ALG6: variants seen among roughly 807,000 people sequenced by gnomAD.
The protein encoded by ALG6 is dolichyl pyrophosphate Man9GlcNAc2 alpha-1,3-glucosyltransferase.
ALG6 carries 46 observed loss-of-function variants against 66.6 expected under a neutral mutation model. The observed-to-expected ratio is 0.69, with a 90% CI of 0.55 to 0.88. The LOEUF is 0.88. ALG6 is among the 40% of genes least tolerant of loss of function. The pLI is 0.00. For missense variants in ALG6, 505 were observed against 586.8 expected, an observed-to-expected ratio of 0.86 and a Z score of 1.44; for synonymous variants, 185 against 203.7, an observed-to-expected ratio of 0.91 and a Z score of 0.78.
At position 63,374,585 on chromosome 1, in the gene ALG6, G is replaced by A. The variant is rs529050322; in HGVS notation, c.82+3526G>A. ...AGAGGTTGCAGTGAGCCGAGATCACGCCACTGCACCCCACCCTGGGTGACA... is the reference window on the plus strand; with the variant it reads ...AGAGGTTGCAGTGAGCCGAGATCACACCACTGCACCCCACCCTGGGTGACA... On this transcript the variant is annotated intron_variant, in intron 2 of 14. Transcript: ENST00000263440. Among the ~76,000 whole-genome samples, 303 of 151,460 alleles carry A rather than the reference G, an allele frequency of 2.0e-3. 1 individual carries two copies. Among genetic ancestry groups the A allele is most frequent in the African/African-American group, 7.0e-3 (287 of 41,244 alleles).
chr1:63,388,074 GC>G (rs1418745048), intron 2 of ALG6, among the ~76,000 whole-genome samples: 2 of 152,114 alleles, frequency 1.3e-5, no homozygotes, highest in Non-Finnish European at 2.9e-5. Context: ...ACGCCACCAT[GC>G]CCGGCTATTT....
chr1:63,381,630 A>G (rs983455729), intron 2 of ALG6, among the ~76,000 whole-genome samples: 2 of 150,514 alleles, frequency 1.3e-5, no homozygotes, highest in East Asian at 2.0e-4. Flanking sequence ...GGGTGACAGA[A>G]CAAGACCCTG....
At chr1:63,422,125 A>AT (rs1644578089) in intron 12 of ALG6, among the ~76,000 whole-genome samples, 1 of 74,504 alleles carries the variant, frequency 1.3e-5, no homozygotes, top group Non-Finnish European at 2.5e-5. Context: ...ATAAATATAT[A>AT]AATAAATATA....
In ALG6 at chr1:63,437,025, ATTCCTAAACAAATTGT is replaced by A. The variant is rs767675902; in HGVS notation, c.*19_*34del. On this transcript the variant is annotated 3_prime_UTR_variant, in exon 15 of 15. Transcript: ENST00000263440. ...AATCAGAAGAAAATCAGCTAGCTGT[ATTCCTAAACAAATTGT>A]TTCCTAAACAAATGTGAAAATGTGA... is the stretch of plus-strand genomic sequence containing the variant. 1.4e-5 allele frequency: 22 copies of A among 1,610,424 alleles called. No homozygotes were observed. Among genetic ancestry groups the A allele is most frequent in the Non-Finnish European group, 1.8e-5 (21 of 1,177,774 alleles).
chr1:63,372,731 C>G (rs986404369), intron 2 of ALG6, among the ~76,000 whole-genome samples: 4 of 152,118 alleles, frequency 2.6e-5, no homozygotes, highest in African/African-American at 9.7e-5. Flanking sequence ...GCAATCTTGG[C>G]TCACTGTAAT....
Position 63,438,484 on chromosome 1 carries a change from A to C in ALG6, c.*1464A>C, listed in dbSNP as rs1316941453. 6.6e-6 allele frequency: 1 copy of C among 152,194 alleles called. No homozygotes were observed. Among genetic ancestry groups the C allele is most frequent in the Non-Finnish European group, 1.5e-5 (1 of 68,034 alleles). The allele number at this position is 152,194 out of a possible 1,614,324, so 9.4% of individuals were successfully genotyped here. A position where few individuals can be genotyped will look rare whatever the true frequency, so the allele number is the denominator to read the frequency against. ...TTAGATAAATGATGAGGAAGTTATA[A>C]ATAATTGGAGTAGCATAACTTTATT... On this transcript the variant is annotated 3_prime_UTR_variant, in exon 15 of 15. Transcript: ENST00000263440.
At chr1:63,436,675 T>C (rs1042426542) in intron 14 of ALG6, 148 bp from the exon 15 acceptor site, 36 of 750,076 alleles carry the variant, frequency 4.8e-5, no homozygotes, top group Non-Finnish European at 6.3e-5. Context: ...ATGATTCTAA[T>C]AGGAAGTCAA....
chr1:63,395,540 C>A (rs12135006), intron 2 of ALG6, among the ~76,000 whole-genome samples: 5,537 of 152,082 alleles, frequency 0.036, 135 homozygotes, highest in Non-Finnish European at 0.058. Context: ...AATAAAAATA[C>A]AAAAATTAGG....
In ALG6 at chr1:63,410,500, C is replaced by T. The variant is rs12048675; in HGVS notation, c.495-646C>T. 1.1e-3 allele frequency among the ~76,000 whole-genome samples: 170 copies of T among 152,258 alleles called. 3 individuals are homozygous for T. The East Asian group carries it at 0.025, about 22-fold the overall frequency. ...CAAACTCCTGGCTCAAGCAATCTTC[C>T]TGCCTTGGCCTTCCAAAGTGTTGGG... On this transcript the variant is annotated intron_variant, in intron 7 of 14. Coordinates refer to ENST00000263440, the MANE Select transcript of ALG6 (RefSeq NM_013339.4).
chr1:63,425,876 G>A (rs11807357), intron 12 of ALG6, among the ~76,000 whole-genome samples: 3,267 of 152,238 alleles, frequency 0.021, 107 homozygotes, highest in African/African-American at 0.075. Flanking sequence ...AAGTGAAAAC[G>A]TGGTAGGAAC....
intron 14 of ALG6, 42 bp downstream of exon 14, chr1:63,429,168 C>A: frequency 1.4e-6 from 2 of 1,412,030 alleles, no homozygotes; most frequent in Non-Finnish European, 2.0e-6. Flanking sequence ...TTCAGCATGT[C>A]ACTATTTTAA....
chr1:63,406,174 T>G (rs1368201659), intron 5 of ALG6, 143 bp from the exon 6 acceptor site: 1 of 714,612 alleles, frequency 1.4e-6, no homozygotes, highest in South Asian at 1.5e-5. Context: ...GATTGAAAAG[T>G]GCTGACTGTG....
chr1:63,390,340 G>A (rs1648632261), intron 2 of ALG6, among the ~76,000 whole-genome samples: 1 of 152,168 alleles, frequency 6.6e-6, no homozygotes, highest in African/African-American at 2.4e-5. Flanking sequence ...TGGGCCTCAG[G>A]ACTCTGCCTG....
At chr1:63,375,407 G>A (rs1041976300) in intron 2 of ALG6, among the ~76,000 whole-genome samples, 2 of 147,216 alleles carry the variant, frequency 1.4e-5, no homozygotes, top group Admixed American at 6.8e-5. Context: ...CACCACCCCC[G>A]GCATTTTTTT....
chr1:63,422,278 TAA>T (rs1644585752), intron 12 of ALG6, among the ~76,000 whole-genome samples: 1 of 106,514 alleles, frequency 9.4e-6, no homozygotes, highest in Non-Finnish European at 1.8e-5. Context: ...AATATATATA[TAA>T]ATATATATAT....
intron 2 of ALG6, among the ~76,000 whole-genome samples, chr1:63,386,317 G>A (rs1648502879): frequency 6.6e-6 from 1 of 151,936 alleles, no homozygotes; most frequent in Non-Finnish European, 1.5e-5. Flanking sequence ...TTGTTATTAG[G>A]AGTACTGGGC....
At chr1:63,370,671 C>G (rs1227741981) in intron 1 of ALG6, 100 bp from the exon 2 acceptor site, 1 of 341,202 alleles carries the variant, frequency 2.9e-6, no homozygotes, top group Non-Finnish European at 5.5e-6. Flanking sequence ...TTCCCACTAC[C>G]CCTCCCCTCG....
At chr1:63,371,713 T>G (rs931147533) in intron 2 of ALG6, among the ~76,000 whole-genome samples, 5 of 152,176 alleles carry the variant, frequency 3.3e-5, no homozygotes, top group African/African-American at 1.2e-4. Flanking sequence ...CAAGCAATTC[T>G]TCTACCTCAA....
chr1:63,372,283 G>T (rs1647953893), intron 2 of ALG6, among the ~76,000 whole-genome samples: 1 of 152,028 alleles, frequency 6.6e-6, no homozygotes, highest in African/African-American at 2.4e-5. Flanking sequence ...AGTGAAAAAG[G>T]GTCATAGGAA....
Sources: allele counts gnomAD v4.1 joint callset (sites outside exome capture counted in the v4.1 genomes callset), GRCh38; gene constraint gnomAD v4.1.1; transcripts MANE v1.5; gene names NCBI Gene and HGNC (gene_info 2026-07-23, HGNC 2026-07-21).